Variants in CDH4 observed in about 807,000 individuals in gnomAD.
The protein encoded by CDH4 is cadherin-4.
Under a neutral mutation model 86.0 loss-of-function variants are expected in CDH4, and 33 were observed. That is an observed-to-expected ratio of 0.38 (90% CI 0.29 to 0.51). CDH4 has a LOEUF of 0.51. CDH4 is among the 20% of genes least tolerant of loss of function. The pLI, the probability that CDH4 is intolerant of heterozygous loss-of-function variation, is 0.86. For synonymous variants in CDH4, 555 were observed against 549.4 expected, an observed-to-expected ratio of 1.01 and a Z score of -0.14; for missense variants, 1,114 against 1,307.4, an observed-to-expected ratio of 0.85 and a Z score of 2.28.
rs113892929 is a variant in CDH4, at chr20:61,681,710, G to A, written c.170-61853G>A. Among the ~76,000 whole-genome samples, 9 of 152,316 alleles carry A rather than the reference G, an allele frequency of 5.9e-5. No homozygotes were observed. The highest frequency in any genetic ancestry group is 5.8e-4 in the East Asian group (3 of 5,190). ...AGCTTTCTGGGCATCGGGAAAGTCC[G>A]GGCTCAGTGCATGTGGAGCTGCCAC... is the stretch of plus-strand genomic sequence containing the variant. On this transcript the variant is annotated intron_variant, in intron 2 of 15. Transcript: ENST00000614565. The surrounding 1 kb of genome is among the most constrained non-coding windows in gnomAD (Gnocchi z 4.5).
chr20:61,725,323 C>T (rs1279286815), intron 2 of CDH4, among the ~76,000 whole-genome samples: 2 of 152,288 alleles, frequency 1.3e-5, no homozygotes, highest in East Asian at 3.9e-4. Flanking sequence ...GTGCACACTG[C>T]ACAGTACACA....
At chr20:61,538,323 C>T (rs2086013267) in intron 2 of CDH4, among the ~76,000 whole-genome samples, 1 of 152,208 alleles carries the variant, frequency 6.6e-6, no homozygotes, top group Non-Finnish European at 1.5e-5. Context: ...CATCTCCCCT[C>T]CCCAGGGGCT....
chr20:61,506,809 G>A (rs1186248219), intron 2 of CDH4, among the ~76,000 whole-genome samples: 6 of 152,192 alleles, frequency 3.9e-5, no homozygotes, highest in African/African-American at 1.4e-4. Flanking sequence ...ACTGCTGGGA[G>A]AAAGGAGAGG....
chr20:61,699,888 G>A (rs1427750704), intron 2 of CDH4, among the ~76,000 whole-genome samples: 3 of 152,198 alleles, frequency 2.0e-5, no homozygotes, highest in African/African-American at 7.2e-5. Flanking sequence ...GCTGGCAATG[G>A]CTGAGTGAGT....
chr20:61,361,032 A>G (rs1344900581), intron 2 of CDH4, among the ~76,000 whole-genome samples: 1 of 151,864 alleles, frequency 6.6e-6, no homozygotes, highest in African/African-American at 2.4e-5. Flanking sequence ...AAGTTCTGTT[A>G]TTAGGAGAGG....
chr20:61,574,889 G>T (rs115016867), intron 2 of CDH4, among the ~76,000 whole-genome samples: 454 of 152,324 alleles, frequency 3.0e-3, no homozygotes, highest in African/African-American at 0.01. Context: ...CCAGTGAGTG[G>T]AACTCCACCT....
chr20:61,314,293 G>A (rs2084464556), intron 2 of CDH4, among the ~76,000 whole-genome samples: 1 of 152,132 alleles, frequency 6.6e-6, no homozygotes, highest in Non-Finnish European at 1.5e-5. Flanking sequence ...CCAGCCCCAG[G>A]CAACCATTGT....
At chr20:61,928,925 C>T (rs1465823093) in intron 12 of CDH4, among the ~76,000 whole-genome samples, 1 of 152,168 alleles carries the variant, frequency 6.6e-6, no homozygotes, top group African/African-American at 2.4e-5. Context: ...TTTATTCTGC[C>T]ACCTTTAGGC....
At chr20:61,398,545 CGA>C (rs2085031716) in intron 2 of CDH4, among the ~76,000 whole-genome samples, 1 of 152,168 alleles carries the variant, frequency 6.6e-6, no homozygotes, top group African/African-American at 2.4e-5. Context: ...TGTGGCCCTT[CGA>C]GTCCCAGGGA....
At chr20:61,567,086 C>T (rs1163257048) in intron 2 of CDH4, among the ~76,000 whole-genome samples, 1 of 152,172 alleles carries the variant, frequency 6.6e-6, no homozygotes, top group Non-Finnish European at 1.5e-5. Flanking sequence ...CTCAACCTGT[C>T]ACCCTACATC....
intron 4 of CDH4, among the ~76,000 whole-genome samples, chr20:61,817,080 C>T (rs1489819266): frequency 6.6e-6 from 1 of 152,242 alleles, no homozygotes; most frequent in African/African-American, 2.4e-5. Context: ...GGGCACATGG[C>T]GACCCCCACT....
chr20:61,858,325 C>CTGTGTCTGTG (rs1555849382), intron 6 of CDH4, among the ~76,000 whole-genome samples: 34 of 145,828 alleles, frequency 2.3e-4, no homozygotes, highest in East Asian at 8.3e-4. Flanking sequence ...GTGTCTGTGT[C>CTGTGTCTGTG]TGTCTGTGTC....
intron 4 of CDH4, among the ~76,000 whole-genome samples, chr20:61,791,205 G>C (rs1979179139): frequency 6.6e-6 from 1 of 152,258 alleles, no homozygotes; most frequent in African/African-American, 2.4e-5. Flanking sequence ...TTTGACAGTG[G>C]TGGACAATTC....
chr20:61,903,775 G>C (rs1386738218), intron 8 of CDH4, among the ~76,000 whole-genome samples: 2 of 152,124 alleles, frequency 1.3e-5, no homozygotes, highest in Non-Finnish European at 2.9e-5. Context: ...ACCTCGGGCA[G>C]GTTGCCTCCT....
intron 2 of CDH4, among the ~76,000 whole-genome samples, chr20:61,407,658 A>T (rs560130853): frequency 6.6e-6 from 1 of 152,342 alleles, no homozygotes; most frequent in African/African-American, 2.4e-5. Context: ...AAACATGTGA[A>T]GGAATGTGCA....
At chr20:61,761,349 A>T (rs2088629857) in intron 3 of CDH4, among the ~76,000 whole-genome samples, 1 of 152,244 alleles carries the variant, frequency 6.6e-6, no homozygotes, top group Admixed American at 6.5e-5. Flanking sequence ...TATTTGGGGA[A>T]GAAATCGTAT....
At chr20:61,469,236 T>C (rs2085489206) in intron 2 of CDH4, among the ~76,000 whole-genome samples, 1 of 152,224 alleles carries the variant, frequency 6.6e-6, no homozygotes, top group Non-Finnish European at 1.5e-5. Context: ...TTTTGGACTT[T>C]TGGATAAAAT....
rs191154469 is a variant in CDH4 at position 61,940,190 on chromosome 20, C to G, written c.*3247C>G. 30 of 152,300 alleles carry G rather than the reference C, an allele frequency of 2.0e-4. No individual in the cohort carries two copies. The highest frequency in any genetic ancestry group is 7.0e-4 in the African/African-American group (29 of 41,566). The allele number at this position is 152,300 out of a possible 1,614,324, so 9.4% of individuals were successfully genotyped here. A position where few individuals can be genotyped will look rare whatever the true frequency, so the allele number is the denominator to read the frequency against. On this transcript the variant is annotated 3_prime_UTR_variant, in exon 16 of 16. Coordinates refer to ENST00000614565, the MANE Select transcript of CDH4 (RefSeq NM_001794.5). ...GGACAGTACCTCACAACAGGCCCAG[C>G]GGGGGACCACCTCTCTGTACAATTG...
chr20:61,583,366 C>G (rs1256532942), intron 2 of CDH4, among the ~76,000 whole-genome samples: 1 of 151,946 alleles, frequency 6.6e-6, no homozygotes, highest in Admixed American at 6.6e-5. Flanking sequence ...TGGTGCTGGC[C>G]CCATGGTCAT....
Sources: allele counts gnomAD v4.1 joint callset (sites outside exome capture counted in the v4.1 genomes callset), GRCh38; gene constraint gnomAD v4.1.1; non-coding constraint Gnocchi (gnomAD v3.1); transcripts MANE v1.5; gene names NCBI Gene and HGNC (gene_info 2026-07-23, HGNC 2026-07-21).